KPNA6: variants seen among roughly 807,000 people sequenced by gnomAD.
KPNA6 encodes importin subunit alpha-7.
KPNA6 carries 9 observed loss-of-function variants against 72.0 expected under a neutral mutation model. The observed-to-expected ratio is 0.13, with a 90% CI of 0.08 to 0.22. KPNA6 has a LOEUF of 0.22. Among genes scored for constraint, KPNA6 ranks in the 10% least tolerant of loss-of-function variants. The pLI, the probability that KPNA6 is intolerant of heterozygous loss-of-function variation, is 1.00. For missense variants in KPNA6, 374 were observed against 655.7 expected, an observed-to-expected ratio of 0.57 and a Z score of 4.69; for synonymous variants, 219 against 242.1, an observed-to-expected ratio of 0.90 and a Z score of 0.89.
chr1:32,152,530 A>G (rs566680807), intron 1 of KPNA6, among the ~76,000 whole-genome samples: 3 of 152,160 alleles, frequency 2.0e-5, no homozygotes, highest in Non-Finnish European at 4.4e-5. Context: ...GAAATTTATA[A>G]GCCTTAGAAA....
At chr1:32,130,138 A>G (rs1246425841) in intron 1 of KPNA6, among the ~76,000 whole-genome samples, 12 of 152,028 alleles carry the variant, frequency 7.9e-5, no homozygotes, top group Non-Finnish European at 1.2e-4. Flanking sequence ...CTCCCTCTAC[A>G]GATATTAGAG....
intron 2 of KPNA6, 67 bp from the exon 3 acceptor site, chr1:32,156,786 A>G (rs1372165420): frequency 8.2e-7 from 1 of 1,224,330 alleles, no homozygotes; most frequent in Non-Finnish European, 1.2e-6. Flanking sequence ...CCATAATTTA[A>G]CATTGGATTG....
chr1:32,111,798 A>G (rs916031356), intron 1 of KPNA6, among the ~76,000 whole-genome samples: 10 of 152,156 alleles, frequency 6.6e-5, no homozygotes, highest in African/African-American at 2.4e-4. Context: ...GCCAAACTTC[A>G]TTACCCTTAA....
chr1:32,119,743 ATTTTT>A, intron 1 of KPNA6, among the ~76,000 whole-genome samples: 1 of 124,524 alleles, frequency 8.0e-6, no homozygotes, highest in South Asian at 2.6e-4. Context: ...GAAATCTGGA[ATTTTT>A]TTTTTTTTTT....
chr1:32,109,294 C>G (rs754560225), intron 1 of KPNA6, among the ~76,000 whole-genome samples: 10 of 151,754 alleles, frequency 6.6e-5, no homozygotes, highest in South Asian at 2.1e-4. Context: ...CTCAGCCTCC[C>G]GAGTAGCTGG....
chr1:32,124,136 G>A (rs1475625557), intron 1 of KPNA6, among the ~76,000 whole-genome samples: 5 of 151,980 alleles, frequency 3.3e-5, no homozygotes. Flanking sequence ...GAGCACTTTG[G>A]GAGGTTGAGG....
chr1:32,124,867 C>T lies in KPNA6; in HGVS notation c.4+16733C>T, dbSNP rs890400912. ...CTTATTTATTTATTTATTTTTGAGA[C>T]GGAGTTTCACTCTGTCGCCCAGGCT... On this transcript the variant is annotated intron_variant, in intron 1 of 13. Transcript: ENST00000373625. Among the ~76,000 whole-genome samples the T allele has an allele frequency of 5.3e-5, 8 of 151,690 alleles. No homozygotes were observed. In the East Asian group the frequency reaches 1.2e-3, roughly 22 times the overall value.
intron 1 of KPNA6, among the ~76,000 whole-genome samples, chr1:32,145,484 C>G (rs1641914668): frequency 6.6e-6 from 1 of 151,746 alleles, no homozygotes; most frequent in South Asian, 2.1e-4. Context: ...GCCACCATGC[C>G]TGGCTAATTT....
In KPNA6 at chr1:32,172,863, C is replaced by CTCAGGTGAAATCCATG. The variant is rs1312718258; in HGVS notation, c.*1970_*1985dup. On this transcript the variant is annotated 3_prime_UTR_variant, in exon 14 of 14. Transcript: ENST00000373625. ...TCTATTGCTACACATCTCCTTCTGG[C>CTCAGGTGAAATCCATG]TCAGGTGAAATCCATGCCCTTCTGC... 52 of 384,652 alleles carry CTCAGGTGAAATCCATG rather than the reference C, an allele frequency of 1.4e-4. No individual in the cohort carries two copies. The highest frequency in any genetic ancestry group is 9.9e-4 in the African/African-American group (48 of 48,386). 23.8% of individuals were successfully genotyped at this position (384,652 alleles called of 1,614,324 possible).
Position 32,161,955 on chromosome 1 carries a change from C to T in KPNA6, c.656C>T (p.Thr219Ile). ...TTTGCTGTTTCCTTCAGACTCCTTA[C>T]CAAGTCCACACGACTGACGATGACA... ...SILNPLLTLL[T>I]KSTRLTMTRN... Residue 219 changes from threonine to isoleucine, a missense_variant, in exon 8 of 14, where the codon ACC becomes ATC. This residue lies in a region of KPNA6 where 298 missense variants were observed against 495.4 expected (regional missense o/e 0.60). Coordinates refer to ENST00000373625, the MANE Select transcript of KPNA6 (RefSeq NM_012316.5). The T allele has an allele frequency of 2.5e-6, 4 of 1,613,908 alleles. No individual in the cohort carries two copies. The highest frequency in any genetic ancestry group is 3.4e-6 in the Non-Finnish European group (4 of 1,179,860).
In KPNA6 at chr1:32,171,433, G is replaced by T. The variant is rs747016275; in HGVS notation, c.*539G>T. Reference sequence around the variant, plus strand: ...CTCTGACAGAATATTAATCTTGTACGCTTGGATTGAGTTATTTAATTTTTT... The same window carrying T: ...CTCTGACAGAATATTAATCTTGTACTCTTGGATTGAGTTATTTAATTTTTT... On this transcript the variant is annotated 3_prime_UTR_variant, in exon 14 of 14. Coordinates refer to ENST00000373625, the MANE Select transcript of KPNA6 (RefSeq NM_012316.5). 6.6e-6 allele frequency: 1 copy of T among 152,066 alleles called. No homozygotes were observed. Among genetic ancestry groups the T allele is most frequent in the South Asian group, 2.1e-4 (1 of 4,830 alleles). 9.4% of individuals were successfully genotyped at this position (152,066 alleles called of 1,614,324 possible).
chr1:32,156,999 A>G, intron 3 of KPNA6, 54 bp downstream of exon 3: 1 of 1,349,772 alleles, frequency 7.4e-7, no homozygotes, highest in Non-Finnish European at 1.1e-6. Context: ...GCTTCTAAGG[A>G]CAGAAATTGG....
intron 1 of KPNA6, among the ~76,000 whole-genome samples, chr1:32,128,387 T>TTATTTATATATA (rs1641571923): frequency 1.4e-5 from 1 of 72,168 alleles, no homozygotes; most frequent in African/African-American, 4.7e-5. Flanking sequence ...ATATATGTAT[T>TTATTTATATATA]TATATATATA....
intron 1 of KPNA6, among the ~76,000 whole-genome samples, chr1:32,126,794 C>A (rs1449342002): frequency 6.6e-6 from 1 of 152,012 alleles, no homozygotes; most frequent in Admixed American, 6.6e-5. Context: ...TTTTTAAACC[C>A]CTGGTCATTG....
chr1:32,162,159 T>C, intron 8 of KPNA6, 113 bp downstream of exon 8: 1 of 970,310 alleles, frequency 1.0e-6, no homozygotes, highest in Non-Finnish European at 1.6e-6. Flanking sequence ...AAAGAAGCAA[T>C]TGTTAGTGAA....
At chr1:32,142,282 G>A (rs1373053842) in intron 1 of KPNA6, among the ~76,000 whole-genome samples, 1 of 134,634 alleles carries the variant, frequency 7.4e-6, no homozygotes, top group Non-Finnish European at 1.6e-5. Flanking sequence ...AAAAAAAAAA[G>A]TTGTCAGAAG....
intron 1 of KPNA6, among the ~76,000 whole-genome samples, chr1:32,144,016 C>T (rs1026797056): frequency 2.0e-5 from 3 of 152,172 alleles, no homozygotes; most frequent in Non-Finnish European, 2.9e-5. Context: ...ACACCTGCAA[C>T]GACAGATGGT....
At chr1:32,122,474 C>G (rs2124527431) in intron 1 of KPNA6, among the ~76,000 whole-genome samples, 1 of 151,496 alleles carries the variant, frequency 6.6e-6, no homozygotes, top group South Asian at 2.1e-4. Flanking sequence ...CATGGAAGTG[C>G]TAAGTAAGCT....
intron 1 of KPNA6, among the ~76,000 whole-genome samples, chr1:32,133,516 CAAA>C (rs56850687): frequency 6.8e-5 from 3 of 43,886 alleles, no homozygotes; most frequent in African/African-American, 1.5e-4. Context: ...CTAGTCTCTA[CAAA>C]AAAAAAAAAA....
Sources: allele counts gnomAD v4.1 joint callset (sites outside exome capture counted in the v4.1 genomes callset), GRCh38; gene constraint gnomAD v4.1.1; regional missense constraint gnomAD v4.1.1; transcripts MANE v1.5; gene names NCBI Gene and HGNC (gene_info 2026-07-23, HGNC 2026-07-21).